Variants in C12orf54 observed in about 807,000 individuals in gnomAD.
C12orf54 encodes the protein uncharacterized protein C12orf54.
Under a neutral mutation model 26.4 loss-of-function variants are expected in C12orf54, and 24 were observed. The ratio of observed to expected loss-of-function variants is 0.91; its 90% CI spans 0.66 to 1.28. C12orf54 has a LOEUF of 1.28. Ranked by LOEUF, C12orf54 falls within the 50% of genes most tolerant of loss-of-function variation. The pLI, the probability that C12orf54 is intolerant of heterozygous loss-of-function variation, is 0.00. For synonymous variants in C12orf54, 54 were observed against 47.0 expected, an observed-to-expected ratio of 1.15 and a Z score of -0.61; for missense variants, 154 against 150.9, an observed-to-expected ratio of 1.02 and a Z score of -0.11.
At chr12:48,483,410 T>C (rs11832311) in intron 2 of C12orf54, 49 bp downstream of exon 2, 176,833 of 1,571,116 alleles carry the variant, frequency 0.11, 21,523 homozygotes, top group East Asian at 0.63. Context: ...TGCTATACTC[T>C]ATGGGAGAAG....
At position 48,488,967 on chromosome 12, in the gene C12orf54, A is replaced by G; in HGVS notation, c.168+11A>G. The G allele has an allele frequency of 6.2e-7, 1 of 1,611,174 alleles. No individual in the cohort carries two copies. On this transcript the variant is annotated intron_variant, in intron 5 of 8. Transcript: ENST00000548364. Reference sequence around the variant, plus strand: ...GATATACAAAAGGAGGTGAGATTAGATTTTGATTCTCTGAATTCCCCAGCC... The same window carrying G: ...GATATACAAAAGGAGGTGAGATTAGGTTTTGATTCTCTGAATTCCCCAGCC...
chr12:48,467,288 G>A, the C12orf54 span, among the ~76,000 whole-genome samples: 1 of 152,164 alleles, frequency 6.6e-6, no homozygotes, highest in African/African-American at 2.4e-5. Context: ...CATTCTCCCT[G>A]AAAGCCTTTA....
the C12orf54 span, among the ~76,000 whole-genome samples, chr12:48,467,686 C>A: frequency 1.3e-5 from 2 of 151,852 alleles, no homozygotes; most frequent in Non-Finnish European, 2.9e-5. Flanking sequence ...ACCAAGGGGC[C>A]CAAGGAAACT....
the C12orf54 span, chr12:48,473,457 G>A: frequency 1.9e-6 from 1 of 540,520 alleles, no homozygotes; most frequent in Non-Finnish European, 3.3e-6. Context: ...TGATTTTACT[G>A]TTTTTAGCCG....
chr12:48,421,115 A>C, the C12orf54 span, among the ~76,000 whole-genome samples: 2 of 152,090 alleles, frequency 1.3e-5, no homozygotes, highest in Admixed American at 1.3e-4. Context: ...CCATTCTTGC[A>C]TTGCTATAAA....
upstream of C12orf54, among the ~76,000 whole-genome samples, chr12:48,480,189 TG>T (rs1401724170): frequency 2.0e-5 from 3 of 152,178 alleles, no homozygotes; most frequent in Non-Finnish European, 4.4e-5. Context: ...TTTTGTTTGT[TG>T]TATTGTAAAA....
chr12:48,433,589 A>G, the C12orf54 span, among the ~76,000 whole-genome samples: 4 of 151,948 alleles, frequency 2.6e-5, no homozygotes, highest in Non-Finnish European at 5.9e-5. Context: ...CTGGGACTAC[A>G]GGCACCCACC....
the C12orf54 span, among the ~76,000 whole-genome samples, chr12:48,430,352 G>A: frequency 1.3e-5 from 2 of 152,090 alleles, no homozygotes; most frequent in Non-Finnish European, 1.5e-5. Flanking sequence ...GGAACAGTGA[G>A]CAGAGTAAAC....
At chr12:48,493,985 G>A (rs1205809133) in intron 7 of C12orf54, among the ~76,000 whole-genome samples, 7 of 150,214 alleles carry the variant, frequency 4.7e-5, no homozygotes, top group Non-Finnish European at 1.0e-4. Context: ...TTGGGAGGCC[G>A]AGGCAGGTGG....
At chr12:48,415,909 C>G in the C12orf54 span, among the ~76,000 whole-genome samples, 1 of 152,126 alleles carries the variant, frequency 6.6e-6, no homozygotes, top group East Asian at 1.9e-4. Flanking sequence ...TCAAGTTTCG[C>G]CTTCCTAATG....
chr12:48,425,332 T>C, the C12orf54 span, among the ~76,000 whole-genome samples: 2 of 152,080 alleles, frequency 1.3e-5, no homozygotes, highest in African/African-American at 4.8e-5. Flanking sequence ...AAACATGCAG[T>C]ATTTGGTTTT....
intron 2 of C12orf54, among the ~76,000 whole-genome samples, chr12:48,485,740 T>C (rs766061127): frequency 5.3e-5 from 8 of 151,946 alleles, no homozygotes; most frequent in Non-Finnish European, 8.8e-5. Flanking sequence ...TCCCACCCCA[T>C]CAGAAGTCAC....
At chr12:48,437,922 G>T in the C12orf54 span, among the ~76,000 whole-genome samples, 1 of 152,140 alleles carries the variant, frequency 6.6e-6, no homozygotes, top group Non-Finnish European at 1.5e-5. Flanking sequence ...GCAGGAGAAG[G>T]AAATAAAGGG....
At chr12:48,469,841 CA>C in the C12orf54 span, among the ~76,000 whole-genome samples, 1 of 152,160 alleles carries the variant, frequency 6.6e-6, no homozygotes, top group Non-Finnish European at 1.5e-5. Context: ...TGACTTCCCA[CA>C]ACACTGTCTC....
chr12:48,453,696 A>AAAGAT, the C12orf54 span, among the ~76,000 whole-genome samples: 1 of 147,494 alleles, frequency 6.8e-6, no homozygotes, highest in African/African-American at 2.5e-5. Context: ...AGTTTATTTA[A>AAAGAT]ACCTAAGGTA....
upstream of C12orf54, among the ~76,000 whole-genome samples, chr12:48,478,451 T>C (rs1954166482): frequency 6.6e-6 from 1 of 152,166 alleles, no homozygotes; most frequent in African/African-American, 2.4e-5. Flanking sequence ...AAAGACGAAG[T>C]CAAATTGTCC....
chr12:48,443,169 C>T, the C12orf54 span, among the ~76,000 whole-genome samples: 1 of 152,104 alleles, frequency 6.6e-6, no homozygotes, highest in Non-Finnish European at 1.5e-5. Context: ...TCTCTCTCTA[C>T]TTTTATGTTC....
the C12orf54 span, among the ~76,000 whole-genome samples, chr12:48,462,371 A>C: frequency 6.6e-6 from 1 of 151,672 alleles, no homozygotes; most frequent in Non-Finnish European, 1.5e-5. Context: ...GGAGGAAGGA[A>C]TACTTCTCAA....
rs762944816 is a variant in C12orf54 at position 48,494,936 on chromosome 12, C to A, written c.381C>A (p.Pro127=). ...GTCAATCAGCTTACTACCCTGGACC[C>A]TAACTCTACAATCAAGGAAGAAGGA... ...LFSQSAYYPG[P] The change falls in exon 8 of 9, where the codon CCC becomes CCA. Residue 127 remains proline (P), a synonymous_variant. Coordinates refer to ENST00000548364, the MANE Select transcript of C12orf54 (RefSeq NM_152319.4). The A allele has an allele frequency of 1.1e-4, 174 of 1,612,884 alleles. No individual in the cohort carries two copies. Among genetic ancestry groups the A allele is most frequent in the Non-Finnish European group, 1.4e-4 (168 of 1,179,124 alleles).
Sources: allele counts gnomAD v4.1 joint callset (sites outside exome capture counted in the v4.1 genomes callset), GRCh38; gene constraint gnomAD v4.1.1; transcripts MANE v1.5; gene names NCBI Gene and HGNC (gene_info 2026-07-23, HGNC 2026-07-21).